The following STK32B variants were observed in gnomAD, a reference collection of about 807,000 sequenced individuals.
The protein encoded by STK32B is serine/threonine kinase 32B, also known as serine/threonine-protein kinase 32B.
Under a neutral mutation model 52.6 loss-of-function variants are expected in STK32B, and 43 were observed. The ratio of observed to expected loss-of-function variants is 0.82; its 90% CI spans 0.64 to 1.05. The LOEUF (loss-of-function observed/expected upper bound fraction) is 1.05, where lower values mean the gene tolerates loss of function less well. Ranked by LOEUF, STK32B falls within the 50% of genes least tolerant of loss-of-function variation. STK32B has a pLI of 0.00. For missense variants in STK32B, 621 were observed against 534.6 expected, an observed-to-expected ratio of 1.16 and a Z score of -1.59; for synonymous variants, 238 against 204.3, an observed-to-expected ratio of 1.17 and a Z score of -1.41.
intron 3 of STK32B, among the ~76,000 whole-genome samples, chr4:5,275,114 G>A (rs906262835): frequency 6.6e-6 from 1 of 152,180 alleles, no homozygotes; most frequent in African/African-American, 2.4e-5. Flanking sequence ...CAGGAGGCTT[G>A]CCATCATCTT....
chr4:5,475,217 C>G (rs1302014578), intron 11 of STK32B, among the ~76,000 whole-genome samples: 1 of 151,960 alleles, frequency 6.6e-6, no homozygotes, highest in African/African-American at 2.4e-5. Context: ...GTCAGGAGTT[C>G]AAGACCAGCC....
chr4:5,059,415 T>C (rs1742133371), intron 1 of STK32B, among the ~76,000 whole-genome samples: 2 of 152,220 alleles, frequency 1.3e-5, no homozygotes, highest in Non-Finnish European at 2.9e-5. Flanking sequence ...GTTTTTATTG[T>C]TAATGGCAGT....
intron 2 of STK32B, among the ~76,000 whole-genome samples, chr4:5,157,231 G>T (rs1042194038): frequency 3.4e-5 from 5 of 149,058 alleles, no homozygotes; most frequent in African/African-American, 1.2e-4. Flanking sequence ...GCAGGATACT[G>T]AGTTCAACAG....
intron 5 of STK32B, among the ~76,000 whole-genome samples, chr4:5,406,027 G>A (rs969134916): frequency 1.8e-4 from 27 of 152,146 alleles, no homozygotes; most frequent in Non-Finnish European, 3.2e-4. Flanking sequence ...CTATGAGTCT[G>A]TAAAATCAAA....
At chr4:5,063,773 A>C (rs1742306574) in intron 1 of STK32B, among the ~76,000 whole-genome samples, 1 of 152,224 alleles carries the variant, frequency 6.6e-6, no homozygotes, top group African/African-American at 2.4e-5. Context: ...CAAAAGTCAC[A>C]TGTGGCTATT....
At chr4:5,253,388 T>C (rs1337129339) in intron 3 of STK32B, among the ~76,000 whole-genome samples, 2 of 152,152 alleles carry the variant, frequency 1.3e-5, no homozygotes, top group African/African-American at 2.4e-5. Context: ...GTTGTTGTTG[T>C]TGTTTAGACA....
intron 3 of STK32B, among the ~76,000 whole-genome samples, chr4:5,313,830 C>T (rs1198403152): frequency 6.6e-6 from 1 of 152,068 alleles, no homozygotes; most frequent in Non-Finnish European, 1.5e-5. Context: ...TTAGAAATCC[C>T]ATTTACAGTC....
At chr4:5,024,994 C>T in the STK32B span, among the ~76,000 whole-genome samples, 1 of 152,156 alleles carries the variant, frequency 6.6e-6, no homozygotes, top group African/African-American at 2.4e-5. Context: ...GCTCAGGCCC[C>T]CAGGCTGGCC....
At chr4:5,346,647 C>T (rs989977922) in intron 4 of STK32B, among the ~76,000 whole-genome samples, 8 of 152,108 alleles carry the variant, frequency 5.3e-5, no homozygotes, top group Non-Finnish European at 8.8e-5. Context: ...GCTCAGAGAC[C>T]GTGGGTAAGT....
intron 4 of STK32B, among the ~76,000 whole-genome samples, chr4:5,337,836 C>T (rs2108964960): frequency 6.6e-6 from 1 of 152,270 alleles, no homozygotes; most frequent in Non-Finnish European, 1.5e-5. Context: ...CTAATCCTAT[C>T]ACCTAAACCC....
At chr4:5,493,085 T>C (rs1036862773) in intron 11 of STK32B, among the ~76,000 whole-genome samples, 4 of 151,514 alleles carry the variant, frequency 2.6e-5, no homozygotes, top group African/African-American at 9.8e-5. Context: ...AGGATGATGC[T>C]GGCCTCATAA....
chr4:5,455,584 G>GT (rs999346372), intron 7 of STK32B, among the ~76,000 whole-genome samples: 1 of 152,116 alleles, frequency 6.6e-6, no homozygotes, highest in African/African-American at 2.4e-5. Context: ...ACAAGTGAGT[G>GT]TTTTTTCACA....
intron 5 of STK32B, among the ~76,000 whole-genome samples, chr4:5,409,582 G>A (rs143373942): frequency 2.4e-4 from 36 of 152,210 alleles, no homozygotes; most frequent in African/African-American, 7.5e-4. Context: ...AAAAGCCTTG[G>A]ACTGCATGCT....
rs576293894 is a variant in STK32B, at chr4:5,394,109, A to G, written c.435-4098A>G. On this transcript the variant is annotated intron_variant, in intron 4 of 11. Transcript: ENST00000282908. This position sits in a 1 kb window ranked among gnomAD's most constrained non-coding sequence, Gnocchi z 4.2. ...GGTGGCCCTGCTTTGCAGTCTGTGCATGGGTACCTCTGGATCAGAGCCATT... is the reference window on the plus strand; with the variant it reads ...GGTGGCCCTGCTTTGCAGTCTGTGCGTGGGTACCTCTGGATCAGAGCCATT... 4.5e-4 allele frequency among the ~76,000 whole-genome samples: 68 copies of G among 152,322 alleles called. No homozygotes were observed. Among genetic ancestry groups the G allele is most frequent in the Admixed American group, 1.2e-3 (19 of 15,302 alleles).
intron 1 of STK32B, among the ~76,000 whole-genome samples, chr4:5,089,366 GTGT>G (rs1304817605): frequency 6.6e-6 from 1 of 152,068 alleles, no homozygotes; most frequent in East Asian, 1.9e-4. Flanking sequence ...GCCCTGGTGT[GTGT>G]TGTTCCCTTC....
chr4:5,435,354 C>T (rs1025705292), intron 6 of STK32B, among the ~76,000 whole-genome samples: 7 of 152,198 alleles, frequency 4.6e-5, no homozygotes, highest in Middle Eastern at 3.2e-3. Context: ...TTTGCTGTCC[C>T]GGTGAGCCAG....
chr4:5,114,572 C>A (rs1221798467), intron 1 of STK32B, among the ~76,000 whole-genome samples: 2 of 152,172 alleles, frequency 1.3e-5, no homozygotes, highest in Non-Finnish European at 2.9e-5. Context: ...AAAGGTCCTT[C>A]TGGCACTTTC....
At chr4:5,257,359 ATGAG>A (rs1407959575) in intron 3 of STK32B, among the ~76,000 whole-genome samples, 8 of 152,184 alleles carry the variant, frequency 5.3e-5, no homozygotes, top group African/African-American at 1.7e-4. Flanking sequence ...GGGTGAGTGA[ATGAG>A]TAAGTGAATG....
At chr4:5,153,613 AT>A (rs1717553959) in intron 2 of STK32B, among the ~76,000 whole-genome samples, 1 of 152,174 alleles carries the variant, frequency 6.6e-6, no homozygotes, top group African/African-American at 2.4e-5. Context: ...ATGCTGAAAG[AT>A]TAAATGCTTT....
Sources: gnomAD v4.1 joint callset for allele counts (sites outside exome capture counted in the v4.1 genomes callset) on GRCh38, gnomAD v4.1.1 for gene constraint, Gnocchi (gnomAD v3.1) non-coding constraint, MANE v1.5 for transcripts, NCBI Gene and HGNC (gene_info 2026-07-23, HGNC 2026-07-21) for gene names.